BICC1: variants seen among roughly 807,000 people sequenced by gnomAD.
BICC1 encodes the protein BicC family RNA binding protein 1, also known as protein bicaudal C homolog 1.
BICC1 carries 43 observed loss-of-function variants against 111.0 expected under a neutral mutation model. That is an observed-to-expected ratio of 0.39 (90% confidence interval 0.30 to 0.50). The LOEUF (loss-of-function observed/expected upper bound fraction) is 0.50. BICC1 is among the 20% of genes least tolerant of loss of function. The probability of loss-of-function intolerance (pLI) is 0.88; values close to 1 mark genes in which losing one functional copy is unlikely to be tolerated. For synonymous variants in BICC1, 467 were observed against 434.4 expected, an observed-to-expected ratio of 1.07 and a Z score of -0.93; for missense variants, 1,091 against 1,203.2, an observed-to-expected ratio of 0.91 and a Z score of 1.38.
intron 2 of BICC1, among the ~76,000 whole-genome samples, chr10:58,670,389 G>A (rs1459344324): frequency 1.3e-5 from 2 of 152,036 alleles, no homozygotes; most frequent in African/African-American, 4.8e-5. Context: ...CTCCTATGAC[G>A]ATATAGACCA....
intron 2 of BICC1, among the ~76,000 whole-genome samples, chr10:58,686,566 T>TC (rs1839733335): frequency 6.7e-6 from 1 of 148,828 alleles, no homozygotes; most frequent in African/African-American, 2.6e-5. Context: ...GTTCATCATG[T>TC]CTTTTTACTC....
intron 20 of BICC1, among the ~76,000 whole-genome samples, chr10:58,821,390 C>T (rs1021063378): frequency 1.4e-4 from 22 of 152,080 alleles, no homozygotes; most frequent in Non-Finnish European, 2.8e-4. Context: ...CAGTTACATC[C>T]AACTGGTGAA....
chr10:58,630,720 T>C (rs1189540835), intron 2 of BICC1, among the ~76,000 whole-genome samples: 2 of 152,170 alleles, frequency 1.3e-5, no homozygotes, highest in African/African-American at 4.8e-5. Flanking sequence ...ACTGGGATAA[T>C]TGCATAATCC....
chr10:58,824,414 A>G (rs1405689733), intron 20 of BICC1, among the ~76,000 whole-genome samples: 1 of 152,220 alleles, frequency 6.6e-6, no homozygotes, highest in Non-Finnish European at 1.5e-5. Flanking sequence ...CCTAAGACCT[A>G]TATATGAACA....
At chr10:58,566,214 T>TG in intron 1 of BICC1, among the ~76,000 whole-genome samples, 2 of 151,236 alleles carry the variant, frequency 1.3e-5, no homozygotes, top group East Asian at 3.9e-4. Context: ...ATGTACACAC[T>TG]TGCATATGTG....
intron 5 of BICC1, among the ~76,000 whole-genome samples, chr10:58,787,935 G>C (rs1843059400): frequency 6.6e-6 from 1 of 152,136 alleles, no homozygotes; most frequent in African/African-American, 2.4e-5. Context: ...GCTCGAGGTA[G>C]ATGTTGGAGC....
chr10:58,672,306 T>G (rs2132327167), intron 2 of BICC1, among the ~76,000 whole-genome samples: 1 of 152,278 alleles, frequency 6.6e-6, no homozygotes, highest in Middle Eastern at 3.4e-3. Context: ...CATTCAGACT[T>G]ACTGGAGTAA....
At chr10:58,708,408 T>C (rs1840465660) in intron 3 of BICC1, among the ~76,000 whole-genome samples, 1 of 151,802 alleles carries the variant, frequency 6.6e-6, no homozygotes, top group African/African-American at 2.4e-5. Flanking sequence ...GGTAAATTCC[T>C]GAGGTTCGTT....
intron 2 of BICC1, chr10:58,650,864 AAAT>A (rs1268782900): frequency 2.6e-5 from 4 of 152,152 alleles, no homozygotes; most frequent in African/African-American, 9.7e-5. Context: ...AAAAATAAAT[AAAT>A]AAGTCAAAAT....
At chr10:58,572,668 CATCTAT>C (rs1251398223) in intron 1 of BICC1, among the ~76,000 whole-genome samples, 3 of 152,062 alleles carry the variant, frequency 2.0e-5, no homozygotes, top group East Asian at 3.9e-4. Flanking sequence ...TTATCTCTGT[CATCTAT>C]ATCTATGTCT....
chr10:58,599,214 G>A (rs1844941210), intron 1 of BICC1, among the ~76,000 whole-genome samples: 1 of 152,020 alleles, frequency 6.6e-6, no homozygotes, highest in Admixed American at 6.6e-5. Context: ...TGTTTATTGT[G>A]GCACTGTTCA....
At chr10:58,528,797 G>T (rs1029569501) in intron 1 of BICC1, among the ~76,000 whole-genome samples, 22 of 151,940 alleles carry the variant, frequency 1.4e-4, no homozygotes, top group African/African-American at 5.3e-4. Flanking sequence ...CTTCTGCACA[G>T]TAAACAATAC....
At chr10:58,783,965 T>C (rs938080092) in intron 3 of BICC1, among the ~76,000 whole-genome samples, 2 of 152,140 alleles carry the variant, frequency 1.3e-5, no homozygotes, top group Non-Finnish European at 2.9e-5. Flanking sequence ...GTCCCCACCC[T>C]GAGGCTTTGG....
intron 3 of BICC1, among the ~76,000 whole-genome samples, chr10:58,755,667 ATTTTTTTTTCTCCTTTTTAT>A (rs1441531519): frequency 6.6e-6 from 1 of 150,422 alleles, no homozygotes; most frequent in Non-Finnish European, 1.5e-5. Context: ...CCTGTCTTGT[ATTTTTTTTTCTCCTTTTTAT>A]TTTTTTTTTC....
At chr10:58,817,785 A>G in intron 19 of BICC1, 63 bp downstream of exon 19, 1 of 1,479,556 alleles carries the variant, frequency 6.8e-7, no homozygotes, top group Non-Finnish European at 9.2e-7. Context: ...GACTTCTAGA[A>G]TGAAATCACT....
chr10:58,773,520 G>A (rs1323555681), intron 3 of BICC1, among the ~76,000 whole-genome samples: 2 of 152,354 alleles, frequency 1.3e-5, no homozygotes, highest in Middle Eastern at 6.8e-3. Flanking sequence ...ATCATCACCT[G>A]AGGGCTGATG....
intron 3 of BICC1, among the ~76,000 whole-genome samples, chr10:58,768,171 A>G (rs573314443): frequency 4.9e-4 from 75 of 152,270 alleles, no homozygotes; most frequent in Non-Finnish European, 2.2e-4. Context: ...AATCAATGAC[A>G]GAGAATTTTG....
chr10:58,696,549 A>G (rs1211575215), intron 2 of BICC1, among the ~76,000 whole-genome samples: 2 of 152,212 alleles, frequency 1.3e-5, no homozygotes, highest in East Asian at 1.9e-4. Flanking sequence ...AAACAATTAT[A>G]TATTCAAATA....
chr10:58,721,147 G>A (rs538539529), intron 3 of BICC1, among the ~76,000 whole-genome samples: 83 of 152,306 alleles, frequency 5.4e-4, no homozygotes, highest in Non-Finnish European at 5.9e-5. Context: ...CTCTTCGTGG[G>A]ACAATTCTGA....
Sources: allele counts gnomAD v4.1 joint callset (sites outside exome capture counted in the v4.1 genomes callset), GRCh38; gene constraint gnomAD v4.1.1; transcripts MANE v1.5; gene names NCBI Gene and HGNC (gene_info 2026-07-23, HGNC 2026-07-21).